Variants in PPM1L observed in about 807,000 individuals in gnomAD.
PPM1L encodes protein phosphatase 1L.
PPM1L carries 13 observed loss-of-function variants against 31.4 expected under a neutral mutation model. That is an observed-to-expected ratio of 0.41 (90% CI 0.27 to 0.66). PPM1L has a LOEUF of 0.66. PPM1L is among the 30% of genes least tolerant of loss of function. The pLI is 0.29. For synonymous variants in PPM1L, 184 were observed against 175.4 expected (o/e 1.05, Z -0.39); for missense variants, 326 against 453.7 (o/e 0.72, Z 2.56).
intron 1 of PPM1L, among the ~76,000 whole-genome samples, chr3:160,901,707 G>C (rs6807796): frequency 0.075 from 11,349 of 152,196 alleles, 534 homozygotes; most frequent in African/African-American, 0.12. Flanking sequence ...ACTTGTTGAT[G>C]TCTGTGGGGA....
intron 2 of PPM1L, among the ~76,000 whole-genome samples, chr3:161,013,195 A>T (rs1295070942): frequency 6.6e-6 from 1 of 152,190 alleles, no homozygotes; most frequent in African/African-American, 2.4e-5. Context: ...ACTGTTTTAA[A>T]TATGTCCCAG....
At chr3:160,820,390 A>C (rs929280438) in intron 1 of PPM1L, among the ~76,000 whole-genome samples, 3 of 152,122 alleles carry the variant, frequency 2.0e-5, no homozygotes, top group Admixed American at 2.0e-4. Context: ...ATAAAAGTAC[A>C]TGCAAAAGGA....
intron 1 of PPM1L, among the ~76,000 whole-genome samples, chr3:160,874,404 G>T (rs1712431795): frequency 6.6e-6 from 1 of 152,100 alleles, no homozygotes; most frequent in Non-Finnish European, 1.5e-5. Context: ...TCCAGGTCAG[G>T]CTTCTAGCTT....
chr3:160,783,108 A>G (rs1711795287), intron 1 of PPM1L, among the ~76,000 whole-genome samples: 1 of 152,224 alleles, frequency 6.6e-6, no homozygotes, highest in Non-Finnish European at 1.5e-5. Context: ...GAAGGCCACA[A>G]TCCTTAAAAA....
intron 1 of PPM1L, among the ~76,000 whole-genome samples, chr3:160,892,467 G>T (rs1313027409): frequency 6.6e-6 from 1 of 152,084 alleles, no homozygotes; most frequent in Non-Finnish European, 1.5e-5. Flanking sequence ...CAACACTGGG[G>T]ATTAAATTTC....
intron 2 of PPM1L, among the ~76,000 whole-genome samples, chr3:161,062,702 A>G (rs1378074062): frequency 3.3e-5 from 5 of 152,182 alleles, no homozygotes; most frequent in African/African-American, 1.2e-4. Flanking sequence ...TTAAAAAGAA[A>G]TCTTGCGTGG....
At chr3:160,996,796 T>C (rs1440054099) in intron 2 of PPM1L, among the ~76,000 whole-genome samples, 4 of 152,124 alleles carry the variant, frequency 2.6e-5, no homozygotes, top group African/African-American at 4.8e-5. Context: ...ATAAAAAATA[T>C]TTTAAAAATT....
intron 1 of PPM1L, among the ~76,000 whole-genome samples, chr3:160,882,056 A>AC (rs77108301): frequency 1.7e-3 from 145 of 83,310 alleles, no homozygotes; most frequent in African/African-American, 4.0e-3. Flanking sequence ...GTCTCAAAAA[A>AC]AAAAAAAAAG....
chr3:160,920,639 T>A (rs1374794), intron 1 of PPM1L, among the ~76,000 whole-genome samples: 19,333 of 62,732 alleles, frequency 0.31, 1,891 homozygotes, highest in East Asian at 0.39. Context: ...ACACACACAC[T>A]CACACACACA....
At chr3:160,979,925 C>G (rs1227389488) in intron 2 of PPM1L, among the ~76,000 whole-genome samples, 1 of 152,002 alleles carries the variant, frequency 6.6e-6, no homozygotes, top group East Asian at 1.9e-4. Flanking sequence ...GACCAGACAT[C>G]ATGGAACTGC....
intron 2 of PPM1L, among the ~76,000 whole-genome samples, chr3:161,008,740 G>C (rs565041127): frequency 6.6e-6 from 1 of 152,316 alleles, no homozygotes; most frequent in African/African-American, 2.4e-5. Context: ...TGCCAGAATG[G>C]AGTTACTGTA....
intron 1 of PPM1L, among the ~76,000 whole-genome samples, chr3:160,862,790 G>C (rs1560130439): frequency 6.6e-6 from 1 of 151,938 alleles, no homozygotes; most frequent in Non-Finnish European, 1.5e-5. Context: ...ATATTTAGGA[G>C]AGTAGGGGGG....
At chr3:161,020,246 C>T (rs953795806) in intron 2 of PPM1L, among the ~76,000 whole-genome samples, 13 of 152,026 alleles carry the variant, frequency 8.6e-5, no homozygotes, top group Non-Finnish European at 1.2e-4. Flanking sequence ...GTCCTGAACC[C>T]TCGTGTAGGC....
At chr3:161,012,173 T>C (rs1316215591) in intron 2 of PPM1L, among the ~76,000 whole-genome samples, 3 of 152,198 alleles carry the variant, frequency 2.0e-5, no homozygotes, top group Non-Finnish European at 2.9e-5. Context: ...ATAGCTCTTA[T>C]TATTTTGAGG....
At chr3:160,880,651 A>C (rs563436523) in intron 1 of PPM1L, among the ~76,000 whole-genome samples, 2 of 152,034 alleles carry the variant, frequency 1.3e-5, no homozygotes, top group Non-Finnish European at 2.9e-5. Flanking sequence ...AAGTCAAGGA[A>C]TCCTTACTTA....
intron 1 of PPM1L, among the ~76,000 whole-genome samples, chr3:160,956,019 C>T (rs890563255): frequency 6.6e-6 from 1 of 152,060 alleles, no homozygotes; most frequent in African/African-American, 2.4e-5. Context: ...TTGCACCACC[C>T]CACCTGAATT....
chr3:160,875,412 CATTA>C (rs1712471875), intron 1 of PPM1L, among the ~76,000 whole-genome samples: 1 of 152,152 alleles, frequency 6.6e-6, no homozygotes, highest in Non-Finnish European at 1.5e-5. Flanking sequence ...CAGCTAAATC[CATTA>C]ATTCTAAGAT....
intron 2 of PPM1L, among the ~76,000 whole-genome samples, chr3:160,977,495 T>C (rs1459034395): frequency 6.6e-6 from 1 of 152,224 alleles, no homozygotes; most frequent in Non-Finnish European, 1.5e-5. Context: ...GAATCTATTT[T>C]CTAGAATTTG....
intron 1 of PPM1L, among the ~76,000 whole-genome samples, chr3:160,829,009 G>GT (rs1713436737): frequency 1.3e-5 from 2 of 151,984 alleles, no homozygotes; most frequent in South Asian, 2.1e-4. Context: ...ATGATTACAA[G>GT]TAAGCAATAA....
Sources: allele counts gnomAD v4.1 joint callset (sites outside exome capture counted in the v4.1 genomes callset), GRCh38; gene constraint gnomAD v4.1.1; transcripts MANE v1.5; gene names NCBI Gene and HGNC (gene_info 2026-07-23, HGNC 2026-07-21).